The following ADAMTS14 variants were observed in gnomAD, a reference collection of about 807,000 sequenced individuals.
ADAMTS14 encodes the protein A disintegrin and metalloproteinase with thrombospondin motifs 14.
A neutral mutation model predicts 128.6 loss-of-function variants in ADAMTS14; 100 were observed. The ratio of observed to expected loss-of-function variants is 0.78; its 90% CI spans 0.66 to 0.92. The LOEUF is 0.92. Ranked by LOEUF, ADAMTS14 falls within the 40% of genes least tolerant of loss-of-function variation. ADAMTS14 has a pLI of 0.00. For synonymous variants in ADAMTS14, 665 were observed against 653.8 expected, an observed-to-expected ratio of 1.02 and a Z score of -0.26; for missense variants, 1,562 against 1,658.6, an observed-to-expected ratio of 0.94 and a Z score of 1.01.
chr10:70,716,721 C>A (rs533935084), intron 4 of ADAMTS14, among the ~76,000 whole-genome samples: 1 of 152,124 alleles, frequency 6.6e-6, no homozygotes, highest in South Asian at 2.1e-4. Context: ...TCTGGGCTGG[C>A]GGGACCAGAG....
chr10:70,691,829 C>G (rs1411253010), intron 2 of ADAMTS14, among the ~76,000 whole-genome samples: 1 of 152,162 alleles, frequency 6.6e-6, no homozygotes, highest in Non-Finnish European at 1.5e-5. Flanking sequence ...CCCTCTGTCC[C>G]CTCTCAGGGA....
chr10:70,751,413 C>G lies in ADAMTS14; in HGVS notation c.2428-65C>G. The stretch of plus-strand genomic sequence containing the variant: ...CTAAGGCCTTCTCTTCGGCCCCTCC[C>G]CTCCCAGTGCATGCCGCCCTTGCTT... On this transcript the variant is annotated intron_variant, in intron 16 of 21. Coordinates refer to ENST00000373207, the MANE Select transcript of ADAMTS14 (RefSeq NM_080722.4). 7 of 1,511,074 alleles carry G rather than the reference C, an allele frequency of 4.6e-6. No homozygotes were observed. The South Asian group carries it at 8.2e-5, about 18-fold the overall frequency. 93.6% of individuals were successfully genotyped at this position (1,511,074 alleles called of 1,614,324 possible).
intron 21 of ADAMTS14, among the ~76,000 whole-genome samples, chr10:70,758,656 C>A (rs1168372785): frequency 6.6e-6 from 1 of 152,142 alleles, no homozygotes; most frequent in African/African-American, 2.4e-5. Context: ...TTTCTGATCC[C>A]AAAAGTTCTG....
intron 2 of ADAMTS14, among the ~76,000 whole-genome samples, chr10:70,693,738 C>G (rs546719125): frequency 1.3e-5 from 2 of 152,320 alleles, no homozygotes; most frequent in Non-Finnish European, 1.5e-5. Context: ...TCAGCAAGAC[C>G]TCAGTAGCCT....
chr10:70,757,949 C>T lies in ADAMTS14; in HGVS notation c.2938-13C>T. The stretch of plus-strand genomic sequence containing the variant: ...CCCGGCCGCTATGCCTGGCACTGAC[C>T]CACCCACGGCAGTGCTCTGCCACCT... On this transcript the variant is annotated splice_polypyrimidine_tract_variant and intron_variant, in intron 19 of 21. Coordinates refer to ENST00000373207, the MANE Select transcript of ADAMTS14 (RefSeq NM_080722.4). The T allele has an allele frequency of 6.3e-7, 1 of 1,596,736 alleles. No homozygotes were observed.
intron 19 of ADAMTS14, among the ~76,000 whole-genome samples, chr10:70,754,790 C>T (rs1011912112): frequency 6.6e-6 from 1 of 152,330 alleles, no homozygotes; most frequent in Admixed American, 6.5e-5. Flanking sequence ...GTAAAGATCA[C>T]TCTGACGGTG....
chr10:70,727,753 A>C (rs1841489585), intron 4 of ADAMTS14, among the ~76,000 whole-genome samples: 1 of 152,140 alleles, frequency 6.6e-6, no homozygotes, highest in South Asian at 2.1e-4. Context: ...CGGCAGTGGC[A>C]TTTTTTTGTA....
At position 70,761,152 on chromosome 10, in the gene ADAMTS14, C is replaced by A. The variant is rs930530842; in HGVS notation, c.*299C>A. 1 of 326,004 alleles carries A rather than the reference C, an allele frequency of 3.1e-6. No individual in the cohort carries two copies. Among genetic ancestry groups the A allele is most frequent in the Non-Finnish European group, 5.6e-6 (1 of 178,630 alleles). 20.2% of individuals were successfully genotyped at this position (326,004 alleles called of 1,614,324 possible). A position where few individuals can be genotyped will look rare whatever the true frequency, so the allele number is the denominator to read the frequency against. On this transcript the variant is annotated 3_prime_UTR_variant, in exon 22 of 22. Transcript: ENST00000373207. ...CCAGGGTCAACTATTGCTCCCTCCT[C>A]ACAGACCCTGGGCCTGGGCAGGTCT...
intron 7 of ADAMTS14, 111 bp downstream of exon 7, chr10:70,732,470 AG>A: frequency 1.1e-6 from 1 of 943,446 alleles, no homozygotes; most frequent in Non-Finnish European, 1.6e-6. Flanking sequence ...GTGTCCTGGG[AG>A]GTGTCAGAGG....
intron 4 of ADAMTS14, among the ~76,000 whole-genome samples, chr10:70,721,545 C>T (rs1841265930): frequency 6.6e-6 from 1 of 151,900 alleles, no homozygotes; most frequent in African/African-American, 2.4e-5. Flanking sequence ...GCCACCACGC[C>T]TGGCTAATTT....
intron 2 of ADAMTS14, among the ~76,000 whole-genome samples, chr10:70,688,200 C>G (rs1394992951): frequency 2.1e-5 from 1 of 46,532 alleles, no homozygotes; most frequent in Non-Finnish European, 4.2e-5. Context: ...GGGTCTCGGC[C>G]GGGCAGAGGC....
chr10:70,697,368 C>T (rs1840359919), intron 2 of ADAMTS14, among the ~76,000 whole-genome samples: 1 of 152,222 alleles, frequency 6.6e-6, no homozygotes, highest in Non-Finnish European at 1.5e-5. Flanking sequence ...AGCCAAGCCA[C>T]TTGCAACTGT....
chr10:70,691,304 C>G (rs1840179060), intron 2 of ADAMTS14, among the ~76,000 whole-genome samples: 1 of 142,714 alleles, frequency 7.0e-6, no homozygotes, highest in Non-Finnish European at 1.6e-5. Flanking sequence ...ACCAGCCTGG[C>G]CAACATGGTG....
chr10:70,685,034 TC>T (rs578197033), intron 2 of ADAMTS14, among the ~76,000 whole-genome samples: 53 of 152,376 alleles, frequency 3.5e-4, no homozygotes, highest in African/African-American at 1.2e-3. Flanking sequence ...AGAGCCGGCC[TC>T]CCATTCCAGC....
chr10:70,700,104 G>A (rs2132588735), intron 2 of ADAMTS14, among the ~76,000 whole-genome samples: 1 of 152,182 alleles, frequency 6.6e-6, no homozygotes, highest in South Asian at 2.1e-4. Flanking sequence ...AGCTGCGGTA[G>A]GCCTTGGAGG....
chr10:70,738,730 T>G, intron 10 of ADAMTS14, 112 bp from the exon 11 acceptor site: 3 of 1,442,852 alleles, frequency 2.1e-6, no homozygotes, highest in Non-Finnish European at 2.8e-6. Context: ...ATGCTAGGGG[T>G]GGGATTCTGC....
chr10:70,707,654 C>T (rs1453664137), intron 3 of ADAMTS14, among the ~76,000 whole-genome samples: 1 of 152,248 alleles, frequency 6.6e-6, no homozygotes, highest in African/African-American at 2.4e-5. Context: ...TTGATTCAGA[C>T]AGACCCACAT....
intron 9 of ADAMTS14, among the ~76,000 whole-genome samples, 177 bp downstream of exon 9, chr10:70,735,478 A>G (rs1349291761): frequency 6.6e-6 from 1 of 152,244 alleles, no homozygotes; most frequent in Non-Finnish European, 1.5e-5. Flanking sequence ...CTGTGGGGGC[A>G]GGTGGACACA....
intron 4 of ADAMTS14, among the ~76,000 whole-genome samples, chr10:70,718,556 T>C (rs2132639512): frequency 6.6e-6 from 1 of 152,082 alleles, no homozygotes; most frequent in Admixed American, 6.5e-5. Context: ...CAGGTAATTT[T>C]TGTATTTTTA....
Sources: gnomAD v4.1 joint callset for allele counts (sites outside exome capture counted in the v4.1 genomes callset) on GRCh38, gnomAD v4.1.1 for gene constraint, MANE v1.5 for transcripts, NCBI Gene and HGNC (gene_info 2026-07-23, HGNC 2026-07-21) for gene names.